The following CNTN5 variants were observed in gnomAD, a reference collection of about 807,000 sequenced individuals.
The protein encoded by CNTN5 is contactin-5.
In CNTN5, 77 loss-of-function variants were observed where a neutral mutation model predicts 129.1. That is an observed-to-expected ratio of 0.60 (90% CI 0.50 to 0.72). The LOEUF is 0.72. Ranked by LOEUF, CNTN5 falls within the 30% of genes least tolerant of loss-of-function variation. The probability of loss-of-function intolerance (pLI) is 0.00; values close to 1 mark genes in which losing one functional copy is unlikely to be tolerated. For missense variants in CNTN5, 1,478 were observed against 1,328.8 expected, an observed-to-expected ratio of 1.11 and a Z score of -1.75; for synonymous variants, 509 against 465.6, an observed-to-expected ratio of 1.09 and a Z score of -1.20.
chr11:99,954,746 T>C (rs1332913129), intron 7 of CNTN5, among the ~76,000 whole-genome samples: 1 of 152,232 alleles, frequency 6.6e-6, no homozygotes, highest in East Asian at 1.9e-4. Flanking sequence ...ATTTTCATTT[T>C]TGGCACTGGC....
intron 6 of CNTN5, among the ~76,000 whole-genome samples, chr11:99,849,604 T>C (rs983162148): frequency 3.3e-5 from 5 of 152,052 alleles, no homozygotes; most frequent in Non-Finnish European, 7.4e-5. Context: ...TAAGTTCTGG[T>C]GGTAGGTAGG....
chr11:99,166,627 T>C (rs760278051), intron 1 of CNTN5, among the ~76,000 whole-genome samples: 21 of 152,116 alleles, frequency 1.4e-4, no homozygotes, highest in Non-Finnish European at 1.3e-4. Context: ...ATATCCTCCA[T>C]TAATTTTGAA....
chr11:99,857,067 C>T (rs558663532), intron 6 of CNTN5, among the ~76,000 whole-genome samples: 1 of 150,658 alleles, frequency 6.6e-6, no homozygotes, highest in South Asian at 2.1e-4. Context: ...TCTCTCCCTC[C>T]CTCCCTCTCT....
chr11:99,874,031 G>A (rs1029490689), intron 6 of CNTN5, among the ~76,000 whole-genome samples: 8 of 152,124 alleles, frequency 5.3e-5, no homozygotes, highest in Non-Finnish European at 1.2e-4. Flanking sequence ...TGGACGTGAA[G>A]ATAGAAAGAA....
At chr11:99,145,623 G>A (rs1335191286) in intron 1 of CNTN5, among the ~76,000 whole-genome samples, 1 of 151,954 alleles carries the variant, frequency 6.6e-6, no homozygotes, top group Non-Finnish European at 1.5e-5. Flanking sequence ...AATATTTAGA[G>A]TATCTTATTT....
At position 99,734,854 on chromosome 11, in the gene CNTN5, A is replaced by C. The variant is rs373652487; in HGVS notation, c.56-84690A>C. ...AAACCCCGTCTCTACTAAAAATACA[A>C]AAAATTAGCCCGGTGCAGTGGCAGG... On this transcript the variant is annotated intron_variant, in intron 3 of 24. Coordinates refer to ENST00000524871, the MANE Select transcript of CNTN5 (RefSeq NM_014361.4). 1.1e-4 allele frequency among the ~76,000 whole-genome samples: 16 copies of C among 152,286 alleles called. No individual in the cohort carries two copies. The East Asian group carries it at 1.9e-3, about 18-fold the overall frequency.
At chr11:99,775,806 T>G (rs1327403925) in intron 3 of CNTN5, among the ~76,000 whole-genome samples, 2 of 151,156 alleles carry the variant, frequency 1.3e-5, no homozygotes, top group African/African-American at 4.8e-5. Flanking sequence ...CTTGATTGAT[T>G]ATCAAGTATT....
intron 8 of CNTN5, among the ~76,000 whole-genome samples, chr11:99,978,462 C>T (rs1349162010): frequency 1.3e-5 from 2 of 152,176 alleles, no homozygotes; most frequent in Non-Finnish European, 2.9e-5. Flanking sequence ...CCCAGAGCAA[C>T]GTCTGGTCCT....
chr11:99,890,446 TTATA>T (rs1415836347), intron 6 of CNTN5, among the ~76,000 whole-genome samples: 2 of 152,020 alleles, frequency 1.3e-5, no homozygotes, highest in East Asian at 3.9e-4. Flanking sequence ...TAATATTGGA[TTATA>T]TATAAGATAT....
chr11:100,200,712 C>A (rs912301511), intron 15 of CNTN5, among the ~76,000 whole-genome samples: 1 of 151,666 alleles, frequency 6.6e-6, no homozygotes, highest in African/African-American at 2.4e-5. Flanking sequence ...ATTCCCAGAG[C>A]CAGCTAGGAT....
intron 8 of CNTN5, among the ~76,000 whole-genome samples, chr11:99,971,051 T>A (rs1030996800): frequency 6.6e-6 from 1 of 152,194 alleles, no homozygotes; most frequent in Non-Finnish European, 1.5e-5. Context: ...ATAATAAGCA[T>A]AGTTTAGATT....
At chr11:99,818,318 T>C (rs1406384603) in intron 3 of CNTN5, among the ~76,000 whole-genome samples, 1 of 151,966 alleles carries the variant, frequency 6.6e-6, no homozygotes, top group Non-Finnish European at 1.5e-5. Flanking sequence ...TACAGTGGCA[T>C]GATCGCAGCT....
intron 3 of CNTN5, among the ~76,000 whole-genome samples, chr11:99,703,322 G>A (rs1334688214): frequency 1.3e-5 from 2 of 148,564 alleles, no homozygotes; most frequent in East Asian, 4.0e-4. Context: ...ATTATCTAGA[G>A]GTTGAGTTTT....
At chr11:100,318,034 G>C (rs911498808) in intron 21 of CNTN5, among the ~76,000 whole-genome samples, 6 of 152,066 alleles carry the variant, frequency 3.9e-5, no homozygotes, top group Admixed American at 3.9e-4. Context: ...GAGGTCAGGA[G>C]ATCGAGAGCA....
intron 13 of CNTN5, among the ~76,000 whole-genome samples, chr11:100,136,201 G>T (rs1485211483): frequency 6.6e-6 from 1 of 152,040 alleles, no homozygotes; most frequent in Non-Finnish European, 1.5e-5. Flanking sequence ...GCATAACACT[G>T]GTCTTGGGAA....
chr11:99,410,715 G>T (rs1343051598), intron 2 of CNTN5, among the ~76,000 whole-genome samples: 4 of 152,164 alleles, frequency 2.6e-5, no homozygotes, highest in Non-Finnish European at 5.9e-5. Context: ...GCAAAACATG[G>T]CATGAATAAT....
intron 1 of CNTN5, among the ~76,000 whole-genome samples, chr11:99,310,355 GA>G: frequency 6.6e-6 from 1 of 152,136 alleles, no homozygotes; most frequent in South Asian, 2.1e-4. Flanking sequence ...TATGTTTTCA[GA>G]AAGACATTTA....
rs561884593 is a variant in CNTN5, at chr11:99,724,440, A to G, written c.56-95104A>G. Among the ~76,000 whole-genome samples, 259 of 152,306 alleles carry G rather than the reference A, an allele frequency of 1.7e-3. 2 individuals are homozygous for G. The highest frequency in any genetic ancestry group is 5.8e-3 in the African/African-American group (240 of 41,558). On this transcript the variant is annotated intron_variant, in intron 3 of 24. Coordinates refer to ENST00000524871, the MANE Select transcript of CNTN5 (RefSeq NM_014361.4). Reference sequence around the variant, plus strand: ...ATATTCCATATAGCAACACCACTACACGATTTTCACTTGACAATTATAACA... The same window carrying G: ...ATATTCCATATAGCAACACCACTACGCGATTTTCACTTGACAATTATAACA...
intron 1 of CNTN5, among the ~76,000 whole-genome samples, chr11:99,139,662 T>G (rs1413807613): frequency 6.6e-6 from 1 of 152,220 alleles, no homozygotes; most frequent in Non-Finnish European, 1.5e-5. Context: ...ATTTTTAATT[T>G]GTCTTATTAA....
Sources: gnomAD v4.1 joint callset for allele counts (sites outside exome capture counted in the v4.1 genomes callset) on GRCh38, gnomAD v4.1.1 for gene constraint, MANE v1.5 for transcripts, NCBI Gene and HGNC (gene_info 2026-07-23, HGNC 2026-07-21) for gene names.